The following CATSPERG variants were observed in gnomAD, a reference collection of about 807,000 sequenced individuals.
CATSPERG encodes catsper channel auxiliary subunit gamma, also known as cation channel sperm-associated auxiliary subunit gamma.
In CATSPERG, 115 loss-of-function variants were observed where a neutral mutation model predicts 145.0. The observed-to-expected ratio is 0.79, with a 90% CI of 0.68 to 0.93. The LOEUF is 0.93. Among genes scored for constraint, CATSPERG ranks in the 40% least tolerant of loss-of-function variants. The pLI is 0.00. For missense variants in CATSPERG, 1,296 were observed against 1,490.1 expected (o/e 0.87, Z 2.14); for synonymous variants, 588 against 589.0 (o/e 1.00, Z 0.02).
Position 38,335,895 on chromosome 19 carries a change from A to G in CATSPERG, c.-15+20A>G. The G allele has an allele frequency of 3.9e-6, 1 of 253,754 alleles. No homozygotes were observed. Among genetic ancestry groups the G allele is most frequent in the Non-Finnish European group, 8.0e-6 (1 of 124,282 alleles). The allele number at this position is 253,754 out of a possible 1,614,324, so 15.7% of individuals were successfully genotyped here. A position where few individuals can be genotyped will look rare whatever the true frequency, so the allele number is the denominator to read the frequency against. On this transcript the variant is annotated intron_variant, in intron 1 of 28. Transcript: ENST00000409235. ...TGACTGGTACCACGGGGCCGGGGAA[A>G]AAGCTGTGCCATCCAGGGGCGGGGG...
rs746489279 is a variant in CATSPERG, at chr19:38,344,282, G to A, written c.597-14G>A. On this transcript the variant is annotated splice_polypyrimidine_tract_variant and intron_variant, in intron 5 of 28. Coordinates refer to ENST00000409235, the MANE Select transcript of CATSPERG (RefSeq NM_021185.5). ...CTGGGACCTCACCTGCGCCTATTCT[G>A]CACCTGCTGCTAGGTTCCAGATGAA... 6.4e-6 allele frequency: 10 copies of A among 1,551,368 alleles called. 1 individual carries two copies. In the South Asian group the frequency reaches 1.2e-4, roughly 18 times the overall value.
In CATSPERG at chr19:38,362,453, C is replaced by T. The variant is rs1265373049; in HGVS notation, c.2235C>T (p.Ile745=). The change falls in exon 19 of 29, where the codon ATC becomes ATT. Residue 745 remains isoleucine, a synonymous_variant. Coordinates refer to ENST00000409235, the MANE Select transcript of CATSPERG (RefSeq NM_021185.5). ...VSIEMDSYEK[I]YNLESAYELP... is the part of the protein sequence containing the mutation. ...TAGAAATGGACAGCTACGAAAAGAT[C>T]TACAACCTCGAGTCCGCGTACGAGC... 6.2e-7 allele frequency: 1 copy of T among 1,614,014 alleles called. No individual in the cohort carries two copies. The highest frequency in any genetic ancestry group is 1.7e-5 in the Admixed American group (1 of 60,026).
intron 3 of CATSPERG, among the ~76,000 whole-genome samples, chr19:38,341,759 G>A (rs1264750777): frequency 1.3e-5 from 2 of 152,026 alleles, no homozygotes; most frequent in Non-Finnish European, 2.9e-5. Context: ...AAAATTAGCC[G>A]GGCGTGGTGG....
intron 3 of CATSPERG, among the ~76,000 whole-genome samples, chr19:38,342,814 CCTT>C (rs1256362734): frequency 6.6e-6 from 1 of 152,038 alleles, no homozygotes; most frequent in African/African-American, 2.4e-5. Context: ...CCTGAAACAT[CCTT>C]CTCCTCTTCT....
In CATSPERG at chr19:38,362,163, C is replaced by CT. The variant is rs763603701; in HGVS notation, c.2095-46dup. The CT allele has an allele frequency of 3.0e-5, 47 of 1,550,376 alleles. No individual in the cohort carries two copies. The Admixed American group carries it at 3.5e-4, about 12-fold the overall frequency. On this transcript the variant is annotated intron_variant, in intron 17 of 28. Coordinates refer to ENST00000409235, the MANE Select transcript of CATSPERG (RefSeq NM_021185.5). ...TGGGGATGCCGCTTGCCTGGAGGCT[C>CT]TCGCCCCGCTGCCCAATCCCTTCAC...
rs1052779037 is a variant in CATSPERG, at chr19:38,359,873, C to T, written c.1608+292C>T. 1.1e-5 allele frequency: 13 copies of T among 1,136,662 alleles called. No individual in the cohort carries two copies. The East Asian group carries it at 2.3e-4, about 20-fold the overall frequency. The allele number at this position is 1,136,662 out of a possible 1,614,324, so 70.4% of individuals were successfully genotyped here. ...TGAGCATTTACTGTGTGCCTGCCCC[C>T]GTGCTGGAGAACACAGAGTGATCAG... On this transcript the variant is annotated intron_variant, in intron 14 of 28. Coordinates refer to ENST00000409235, the MANE Select transcript of CATSPERG (RefSeq NM_021185.5).
At position 38,337,216 on chromosome 19, in the gene CATSPERG, T is replaced by C. The variant is rs1211434485; in HGVS notation, c.-14-5T>C. 1.2e-5 allele frequency: 18 copies of C among 1,549,352 alleles called. No individual in the cohort carries two copies. In the East Asian group the frequency reaches 3.9e-4, roughly 34 times the overall value. ...CGCGTGGGTGTTGACTCCTGCGTTCTCCAGGTTCTAGCCACGTTATGTGCG... is the reference window on the plus strand; with the variant it reads ...CGCGTGGGTGTTGACTCCTGCGTTCCCCAGGTTCTAGCCACGTTATGTGCG... On this transcript the variant is annotated splice_polypyrimidine_tract_variant and splice_region_variant and intron_variant, in intron 1 of 28. Transcript: ENST00000409235.
intron 28 of CATSPERG, 52 bp from the exon 29 acceptor site, chr19:38,370,474 A>G (rs1970527036): frequency 2.7e-5 from 44 of 1,607,916 alleles, no homozygotes; most frequent in Non-Finnish European, 3.6e-5. Context: ...CAGATTGTGG[A>G]CTGTGTACCT....
chr19:38,367,346 C>T (rs1206368655), intron 23 of CATSPERG, 34 bp downstream of exon 23: 2 of 1,599,528 alleles, frequency 1.3e-6, no homozygotes, highest in Non-Finnish European at 1.7e-6. Flanking sequence ...GCACAGTTCA[C>T]TGCCCTCTTG....
At chr19:38,340,299 A>C (rs1969915226) in intron 3 of CATSPERG, among the ~76,000 whole-genome samples, 1 of 151,364 alleles carries the variant, frequency 6.6e-6, no homozygotes. Flanking sequence ...ATGCCTATTC[A>C]TATGCCAGTA....
chr19:38,358,598 T>G (rs985882413), intron 13 of CATSPERG, 37 bp downstream of exon 13: 1 of 1,613,330 alleles, frequency 6.2e-7, no homozygotes, highest in Non-Finnish European at 8.5e-7. Context: ...CCAGGCATAC[T>G]CTGTCTCCCC....
intron 3 of CATSPERG, among the ~76,000 whole-genome samples, chr19:38,342,215 A>AT (rs1969950494): frequency 6.8e-6 from 1 of 147,660 alleles, no homozygotes; most frequent in African/African-American, 2.5e-5. Context: ...GTCCCATGTA[A>AT]AAAATAAATA....
intron 22 of CATSPERG, 61 bp from the exon 23 acceptor site, chr19:38,367,095 C>T (rs1359165882): frequency 5.3e-6 from 8 of 1,496,340 alleles, no homozygotes; most frequent in African/African-American, 4.2e-5. Flanking sequence ...CTGCCCCTTA[C>T]CCCTCCAGGG....
Position 38,367,193 on chromosome 19 carries a change from C to G in CATSPERG, c.2651C>G (p.Pro884Arg). Residue 884 changes from proline (P) to arginine (R), a missense_variant, in exon 23 of 29, where the codon CCA (proline) becomes CGA (arginine). Transcript: ENST00000409235. ...GTGCCAGTGTTCATTGGCTGCCCCC[C>G]AGGCAAGCGCCTGGCCTTCGACATC... ...LMVPVFIGCP[P>R]GKRLAFDITY... The G allele has an allele frequency of 6.2e-7, 1 of 1,613,816 alleles. No individual in the cohort carries two copies. Among genetic ancestry groups the G allele is most frequent in the Non-Finnish European group, 8.5e-7 (1 of 1,179,928 alleles).
chr19:38,367,193 C>T lies in CATSPERG; in HGVS notation c.2651C>T (p.Pro884Leu), dbSNP rs774954294. 6 of 1,613,816 alleles carry T rather than the reference C, an allele frequency of 3.7e-6. No homozygotes were observed. Among genetic ancestry groups the T allele is most frequent in the Non-Finnish European group, 3.4e-6 (4 of 1,179,928 alleles). Residue 884 changes from proline (P) to leucine (L), a missense_variant, in exon 23 of 29, where the codon CCA (proline) becomes CTA (leucine). Pro to Leu is a moderately conservative substitution (Grantham distance 98). Transcript: ENST00000409235. ...LMVPVFIGCP[P>L]GKRLAFDITY... is the part of the protein sequence containing the mutation. ...GTGCCAGTGTTCATTGGCTGCCCCC[C>T]AGGCAAGCGCCTGGCCTTCGACATC...
Position 38,338,107 on chromosome 19 carries a change from G to A in CATSPERG, c.324+461G>A, listed in dbSNP as rs145350130. ...TGTACAGTTCCCAGTAACCCACCAA[G>A]CACCTAGTAGGTGCTCAAGTAAGCT... On this transcript the variant is annotated intron_variant, in intron 3 of 28. Coordinates refer to ENST00000409235, the MANE Select transcript of CATSPERG (RefSeq NM_021185.5). 6.6e-3 allele frequency among the ~76,000 whole-genome samples: 998 copies of A among 152,074 alleles called. 8 individuals are homozygous for A. Among genetic ancestry groups the A allele is most frequent in the African/African-American group, 0.023 (934 of 41,490 alleles).
At chr19:38,354,217 G>A (rs1970204314) in intron 8 of CATSPERG, among the ~76,000 whole-genome samples, 1 of 152,160 alleles carries the variant, frequency 6.6e-6, no homozygotes, top group Non-Finnish European at 1.5e-5. Context: ...TTAATCCAAA[G>A]AAAAGTGGTG....
Position 38,360,826 on chromosome 19 carries a change from T to A in CATSPERG, c.1863T>A (p.Tyr621Ter). 6.2e-7 allele frequency: 1 copy of A among 1,611,586 alleles called. No individual in the cohort carries two copies. The highest frequency in any genetic ancestry group is 8.5e-7 in the Non-Finnish European group (1 of 1,178,810). The change falls in exon 16 of 29, where the codon TAT becomes TAA. Residue 621 changes from tyrosine to a stop codon, truncating the protein, a stop_gained. Transcript: ENST00000409235. LOFTEE classifies it high-confidence loss of function. Reference protein sequence around the residue: ...LLMYQQHTSHYDLERKGGYLM... With the variant: ...LLMYQQHTSH ...TGTATCAACAGCACACCAGCCACTA[T>A]GACTTGGAGCGGAAAGGGTGAGAAG...
Position 38,352,369 on chromosome 19 carries a change from A to G in CATSPERG, c.934A>G (p.Asn312Asp). Residue 312 changes from asparagine (N) to aspartate (D), a missense_variant, in exon 8 of 29, where the codon AAC becomes GAC. Physicochemically the swap from Asn to Asp is conservative, Grantham distance 23. Transcript: ENST00000409235. ...CGAGAGCACCCTCTTCATTCGGCAGAACCAGCTGGTCTACTATTTTACAGG... is the reference window on the plus strand; with the variant it reads ...CGAGAGCACCCTCTTCATTCGGCAGGACCAGCTGGTCTACTATTTTACAGG... ...ATESTLFIRQ[N>D]QLVYYFTGTY... 1 of 1,551,630 alleles carries G rather than the reference A, an allele frequency of 6.4e-7. No homozygotes were observed. Among genetic ancestry groups the G allele is most frequent in the East Asian group, 2.4e-5 (1 of 40,872 alleles).
Sources: gnomAD v4.1 joint callset for allele counts (sites outside exome capture counted in the v4.1 genomes callset) on GRCh38, gnomAD v4.1.1 for gene constraint, MANE v1.5 for transcripts, NCBI Gene and HGNC (gene_info 2026-07-23, HGNC 2026-07-21) for gene names.